SPIDR: variants seen among roughly 807,000 people sequenced by gnomAD.
SPIDR encodes scaffold protein involved in DNA repair.
SPIDR carries 93 observed loss-of-function variants against 104.6 expected under a neutral mutation model. That is an observed-to-expected ratio of 0.89 (90% CI 0.75 to 1.06). SPIDR has a LOEUF of 1.06. Ranked by LOEUF, SPIDR falls within the 50% of genes least tolerant of loss-of-function variation. The pLI is 0.00. For synonymous variants in SPIDR, 431 were observed against 416.9 expected (o/e 1.03, Z -0.41); for missense variants, 1,154 against 1,111.2 (o/e 1.04, Z -0.55).
intron 8 of SPIDR, among the ~76,000 whole-genome samples, chr8:47,561,412 G>A (rs531827869): frequency 1.3e-5 from 2 of 152,274 alleles, no homozygotes; most frequent in African/African-American, 4.8e-5. Context: ...CAGGCTTCAG[G>A]ACGCCTCCCT....
chr8:47,716,228 G>A (rs2082572831), intron 16 of SPIDR, among the ~76,000 whole-genome samples: 1 of 152,102 alleles, frequency 6.6e-6, no homozygotes, highest in Non-Finnish European at 1.5e-5. Context: ...CCAAAGTTCT[G>A]GAATTACAGG....
chr8:47,327,990 C>A (rs2047979069), intron 5 of SPIDR, among the ~76,000 whole-genome samples: 1 of 151,774 alleles, frequency 6.6e-6, no homozygotes, highest in East Asian at 1.9e-4. Flanking sequence ...GAGCCACGAC[C>A]CCTGGCCGTG....
At chr8:47,415,208 T>G (rs188765156) in intron 7 of SPIDR, among the ~76,000 whole-genome samples, 3 of 152,340 alleles carry the variant, frequency 2.0e-5, no homozygotes, top group Admixed American at 2.0e-4. Context: ...CGGCCTATTC[T>G]GCCCTTTTAA....
At chr8:47,559,349 C>T (rs995407815) in intron 8 of SPIDR, among the ~76,000 whole-genome samples, 5 of 152,172 alleles carry the variant, frequency 3.3e-5, no homozygotes, top group Non-Finnish European at 5.9e-5. Flanking sequence ...AGCTGCTGTA[C>T]CCTGCCTGGC....
intron 5 of SPIDR, among the ~76,000 whole-genome samples, chr8:47,376,244 T>G (rs1489909972): frequency 6.6e-6 from 1 of 152,188 alleles, no homozygotes; most frequent in African/African-American, 2.4e-5. Context: ...TGCCAAGTAA[T>G]GTGAGCAGCC....
rs73567503 is a variant in SPIDR at position 47,547,305 on chromosome 8, T to A, written c.1098-48506T>A. ...TGTCATAGATGAGACGAAAATTCTC[T>A]CCCATCTAGTCAATGCCCATGACAT... On this transcript the variant is annotated intron_variant, in intron 8 of 19. Transcript: ENST00000297423. 249 of 560,502 alleles carry A rather than the reference T, an allele frequency of 4.4e-4. 2 individuals carry two copies. The highest frequency in any genetic ancestry group is 4.4e-3 in the African/African-American group (233 of 52,628). 34.7% of individuals were successfully genotyped at this position (560,502 alleles called of 1,614,324 possible).
chr8:47,292,901 A>G (rs2154239335), intron 4 of SPIDR, among the ~76,000 whole-genome samples: 1 of 152,048 alleles, frequency 6.6e-6, no homozygotes, highest in East Asian at 1.9e-4. Flanking sequence ...GAATGAATGA[A>G]TGAGTGCTGC....
intron 8 of SPIDR, among the ~76,000 whole-genome samples, chr8:47,476,615 A>C (rs1214426383): frequency 6.6e-6 from 1 of 151,456 alleles, no homozygotes; most frequent in Non-Finnish European, 1.5e-5. Flanking sequence ...CCCTGCCTGG[A>C]CCACCCCAAC....
intron 8 of SPIDR, among the ~76,000 whole-genome samples, chr8:47,593,247 T>C (rs1173857555): frequency 6.6e-6 from 1 of 152,138 alleles, no homozygotes; most frequent in Non-Finnish European, 1.5e-5. Flanking sequence ...GTAATTTTTA[T>C]TATTTTTATC....
intron 8 of SPIDR, among the ~76,000 whole-genome samples, chr8:47,461,545 C>T (rs1280159751): frequency 3.3e-5 from 5 of 152,270 alleles, no homozygotes; most frequent in East Asian, 3.9e-4. Context: ...CTCTTGACCT[C>T]GTGATCTGCC....
At chr8:47,369,460 C>A (rs2057700297) in intron 5 of SPIDR, among the ~76,000 whole-genome samples, 1 of 152,248 alleles carries the variant, frequency 6.6e-6, no homozygotes, top group Non-Finnish European at 1.5e-5. Flanking sequence ...TTGACTTCCT[C>A]TTCATCTTAG....
At chr8:47,494,922 TTA>T (rs1203932101) in intron 8 of SPIDR, among the ~76,000 whole-genome samples, 3 of 152,188 alleles carry the variant, frequency 2.0e-5, no homozygotes. Flanking sequence ...CATGATTTAT[TTA>T]TGTTTTCACC....
chr8:47,471,073 A>T (rs1484697157), intron 8 of SPIDR, among the ~76,000 whole-genome samples: 1 of 152,202 alleles, frequency 6.6e-6, no homozygotes, highest in Non-Finnish European at 1.5e-5. Flanking sequence ...AAACCATTAG[A>T]TGAAAATATA....
chr8:47,622,139 G>C (rs1239811857), intron 10 of SPIDR, among the ~76,000 whole-genome samples: 1 of 152,130 alleles, frequency 6.6e-6, no homozygotes, highest in Non-Finnish European at 1.5e-5. Flanking sequence ...AGCCCTGTCA[G>C]CCCTGCAGGG....
chr8:47,433,563 T>A (rs1453193051), intron 7 of SPIDR, among the ~76,000 whole-genome samples: 2 of 152,330 alleles, frequency 1.3e-5, no homozygotes, highest in Non-Finnish European at 2.9e-5. Flanking sequence ...AGACTACTAA[T>A]GGGTATGCTG....
At chr8:47,268,526 AC>A (rs1444460094) in intron 1 of SPIDR, among the ~76,000 whole-genome samples, 2 of 152,216 alleles carry the variant, frequency 1.3e-5, no homozygotes, top group African/African-American at 2.4e-5. Context: ...AAAGTCCTGC[AC>A]TTCTTTGGTT....
chr8:47,690,286 GGTGCGC>G (rs925746181), intron 11 of SPIDR, among the ~76,000 whole-genome samples: 4 of 151,894 alleles, frequency 2.6e-5, no homozygotes, highest in Non-Finnish European at 5.9e-5. Flanking sequence ...GGGGGTGAGG[GGTGCGC>G]GTGCACGTGC....
intron 19 of SPIDR, among the ~76,000 whole-genome samples, chr8:47,730,219 C>T (rs908770004): frequency 6.6e-6 from 1 of 152,146 alleles, no homozygotes; most frequent in Non-Finnish European, 1.5e-5. Context: ...AGCAGGGTGG[C>T]TCCTCCAAGA....
At chr8:47,662,949 C>T (rs2074351723) in intron 10 of SPIDR, among the ~76,000 whole-genome samples, 1 of 152,244 alleles carries the variant, frequency 6.6e-6, no homozygotes, top group African/African-American at 2.4e-5. Context: ...TGGGACTTCC[C>T]AGCCTCCAGA....
Sources: allele counts gnomAD v4.1 joint callset (sites outside exome capture counted in the v4.1 genomes callset), GRCh38; gene constraint gnomAD v4.1.1; transcripts MANE v1.5; gene names NCBI Gene and HGNC (gene_info 2026-07-23, HGNC 2026-07-21).